SERPINB12: variants seen among roughly 807,000 people sequenced by gnomAD.
The protein encoded by SERPINB12 is serpin B12.
In SERPINB12, 57 loss-of-function variants were observed where a neutral mutation model predicts 41.1. The ratio of observed to expected loss-of-function variants is 1.39; its 90% CI spans 1.12 to 1.73. The LOEUF is 1.73. Among genes scored for constraint, SERPINB12 ranks in the 40% most tolerant of loss-of-function variants. SERPINB12 has a pLI of 0.00. For synonymous variants in SERPINB12, 180 were observed against 181.3 expected, an observed-to-expected ratio of 0.99 and a Z score of 0.06; for missense variants, 536 against 501.9, an observed-to-expected ratio of 1.07 and a Z score of -0.65.
chr18:63,554,701 C>T (rs146016716), intron 1 of SERPINB12, among the ~76,000 whole-genome samples: 51 of 152,266 alleles, frequency 3.3e-4, no homozygotes, highest in African/African-American at 1.2e-3. Context: ...CTTAGGAAGT[C>T]ACTATCTCAC....
the SERPINB12 span, among the ~76,000 whole-genome samples, chr18:63,532,397 G>A: frequency 3.9e-4 from 60 of 152,308 alleles, no homozygotes; most frequent in South Asian, 4.6e-3. Flanking sequence ...TATCACACCA[G>A]CTAGTTGACA....
In SERPINB12 at chr18:63,568,926, T is replaced by C. The variant is rs1473730239; in HGVS notation, c.*1915T>C. ...CGTGAGGCAGTTTGAGGCAGTGCCC[T>C]ATCCAGAATGCATGTCCCATGGGTC... On this transcript the variant is annotated 3_prime_UTR_variant, in exon 8 of 8. Transcript: ENST00000382768. 2.6e-5 allele frequency among the ~76,000 whole-genome samples: 4 copies of C among 152,224 alleles called. No individual in the cohort carries two copies. The highest frequency in any genetic ancestry group is 5.9e-5 in the Non-Finnish European group (4 of 68,036).
upstream of SERPINB12, among the ~76,000 whole-genome samples, chr18:63,538,130 T>C (rs550357060): frequency 8.5e-5 from 13 of 152,332 alleles, no homozygotes; most frequent in Admixed American, 1.3e-4. Context: ...CCAGGACTTC[T>C]GCTGGAAGCC....
intron 5 of SERPINB12, among the ~76,000 whole-genome samples, chr18:63,563,589 G>A (rs1377557943): frequency 6.6e-6 from 1 of 152,150 alleles, no homozygotes; most frequent in East Asian, 1.9e-4. Flanking sequence ...TCTTGGGGGT[G>A]ATAAACTGCA....
chr18:63,566,009 A>G (rs1326953940), intron 7 of SERPINB12, among the ~76,000 whole-genome samples: 1 of 152,214 alleles, frequency 6.6e-6, no homozygotes, highest in Non-Finnish European at 1.5e-5. Context: ...GGGAATATGT[A>G]CCTTGACAGA....
intron 2 of SERPINB12, 102 bp downstream of exon 2, chr18:63,556,429 C>A: frequency 9.2e-7 from 1 of 1,090,380 alleles, no homozygotes. Context: ...TTATTGCACC[C>A]TGGGCTTGGT....
chr18:63,566,625 T>A lies in SERPINB12; in HGVS notation c.892T>A (p.Tyr298Asn). The A allele has an allele frequency of 6.2e-7, 1 of 1,607,806 alleles. No individual in the cohort carries two copies. The highest frequency in any genetic ancestry group is 8.5e-7 in the Non-Finnish European group (1 of 1,178,190). The change falls in exon 8 of 8, where the codon TAT becomes AAT. Residue 298 changes from tyrosine to asparagine, a missense_variant. Tyr to Asn is a moderately radical substitution (Grantham distance 143). Coordinates refer to ENST00000382768, the MANE Select transcript of SERPINB12 (RefSeq NM_001307928.2). Reference protein sequence around the residue: ...GLEELERKITYEKMVAWSSSE... With the variant: ...GLEELERKITNEKMVAWSSSE... ...CTTGTAGCTTGAAAGGAAAATCACC[T>A]ATGAAAAAATGGTGGCCTGGAGCAG... is the stretch of plus-strand genomic sequence containing the variant.
intron 2 of SERPINB12, 105 bp downstream of exon 2, chr18:63,556,432 G>T: frequency 9.7e-7 from 1 of 1,026,652 alleles, no homozygotes; most frequent in Non-Finnish European, 1.4e-6. Flanking sequence ...TTGCACCCTG[G>T]GCTTGGTCAG....
At chr18:63,522,832 A>T in the SERPINB12 span, among the ~76,000 whole-genome samples, 8 of 150,406 alleles carry the variant, frequency 5.3e-5, no homozygotes, top group East Asian at 3.9e-4. Context: ...TTGATAAGAA[A>T]TTTTTTTTTT....
chr18:63,556,447 C>T (rs1179309872), intron 2 of SERPINB12, 120 bp downstream of exon 2: 6 of 734,928 alleles, frequency 8.2e-6, no homozygotes, highest in Non-Finnish European at 1.3e-5. Context: ...GGTCAGAACC[C>T]ATCCCTGTCT....
At chr18:63,535,012 G>C in the SERPINB12 span, among the ~76,000 whole-genome samples, 1 of 152,082 alleles carries the variant, frequency 6.6e-6, no homozygotes, top group Non-Finnish European at 1.5e-5. Context: ...GATGAGAGAT[G>C]GAAAGCAAAA....
chr18:63,551,697 C>G (rs1166238852), intron 1 of SERPINB12, among the ~76,000 whole-genome samples: 1 of 152,152 alleles, frequency 6.6e-6, no homozygotes, highest in Non-Finnish European at 1.5e-5. Context: ...TAAAAAAATT[C>G]TTAAGGTGAT....
chr18:63,520,160 C>T, the SERPINB12 span, among the ~76,000 whole-genome samples: 2 of 152,182 alleles, frequency 1.3e-5, no homozygotes, highest in Non-Finnish European at 2.9e-5. Flanking sequence ...GTAACCTTTT[C>T]CTTTCGGTTG....
intron 1 of SERPINB12, among the ~76,000 whole-genome samples, chr18:63,543,883 C>G (rs1177738994): frequency 6.6e-6 from 1 of 152,162 alleles, no homozygotes; most frequent in Non-Finnish European, 1.5e-5. Context: ...TCCTAATGTG[C>G]TGGGTTTACA....
chr18:63,535,371 G>A, the SERPINB12 span, among the ~76,000 whole-genome samples: 8 of 152,094 alleles, frequency 5.3e-5, no homozygotes, highest in Admixed American at 2.6e-4. Flanking sequence ...AACATGATAT[G>A]CCTCCCGAGG....
chr18:63,541,663 A>C (rs1162224066), upstream of SERPINB12, among the ~76,000 whole-genome samples: 1 of 152,114 alleles, frequency 6.6e-6, no homozygotes, highest in Non-Finnish European at 1.5e-5. Flanking sequence ...AGGTATTTGT[A>C]CTGAGAGAAG....
chr18:63,539,130 C>A (rs1848371906), upstream of SERPINB12, among the ~76,000 whole-genome samples: 1 of 152,104 alleles, frequency 6.6e-6, no homozygotes, highest in South Asian at 2.1e-4. Flanking sequence ...AGGGTTATTT[C>A]CTCTCTCCAA....
At chr18:63,534,256 T>A in the SERPINB12 span, among the ~76,000 whole-genome samples, 1 of 152,122 alleles carries the variant, frequency 6.6e-6, no homozygotes, top group Non-Finnish European at 1.5e-5. Flanking sequence ...TAGTAGCAAT[T>A]GATAGTCTGT....
chr18:63,526,441 G>A, the SERPINB12 span, among the ~76,000 whole-genome samples: 1 of 152,136 alleles, frequency 6.6e-6, no homozygotes. Context: ...CTGAGTAGTT[G>A]GGATTACAGA....
Sources: allele counts gnomAD v4.1 joint callset (sites outside exome capture counted in the v4.1 genomes callset), GRCh38; gene constraint gnomAD v4.1.1; transcripts MANE v1.5; gene names NCBI Gene and HGNC (gene_info 2026-07-23, HGNC 2026-07-21).